CFTR: variants seen among roughly 807,000 people sequenced by gnomAD.
CFTR encodes cystic fibrosis transmembrane conductance regulator.
In CFTR, 181 loss-of-function variants were observed where a neutral mutation model predicts 171.6. The ratio of observed to expected loss-of-function variants is 1.05; its 90% confidence interval spans 0.93 to 1.19. CFTR has a LOEUF of 1.19. CFTR is among the 50% of genes most tolerant of loss of function. The pLI is 0.00. For missense variants in CFTR, 1,968 were observed against 1,734.7 expected (o/e 1.13, Z -2.39); for synonymous variants, 583 against 608.0 (o/e 0.96, Z 0.60).
intron 11 of CFTR, among the ~76,000 whole-genome samples, chr7:117,566,189 T>G (rs777713621): frequency 6.6e-6 from 1 of 151,468 alleles, no homozygotes; most frequent in Non-Finnish European, 1.5e-5. Flanking sequence ...ATAATAGCAC[T>G]TTGGGAGGCC....
At chr7:117,614,988 G>A (rs1792463408) in intron 21 of CFTR, among the ~76,000 whole-genome samples, 1 of 151,980 alleles carries the variant, frequency 6.6e-6, no homozygotes, top group African/African-American at 2.4e-5. Context: ...GGGTTGTATT[G>A]CTGGGTCATA....
intron 21 of CFTR, among the ~76,000 whole-genome samples, chr7:117,621,436 A>G (rs1012581730): frequency 2.0e-5 from 3 of 152,194 alleles, no homozygotes; most frequent in Admixed American, 2.0e-4. Flanking sequence ...AGCTGTACAT[A>G]ATATGTAAAC....
chr7:117,567,942 A>C (rs572066603), intron 11 of CFTR, among the ~76,000 whole-genome samples: 203 of 152,320 alleles, frequency 1.3e-3, no homozygotes, highest in Middle Eastern at 3.4e-3. Context: ...CCCTGGAGGA[A>C]GTGACATTTA....
At chr7:117,501,067 T>G (rs988256302) in intron 1 of CFTR, among the ~76,000 whole-genome samples, 22 of 152,360 alleles carry the variant, frequency 1.4e-4, no homozygotes, top group Non-Finnish European at 2.9e-4. Flanking sequence ...TGAGGAGATT[T>G]ATTTTTACAT....
intron 11 of CFTR, among the ~76,000 whole-genome samples, chr7:117,574,573 C>T (rs1282047867): frequency 6.6e-6 from 1 of 152,080 alleles, no homozygotes; most frequent in African/African-American, 2.4e-5. Context: ...TTTCTAGCGT[C>T]TATTATAGAC....
chr7:117,546,228 G>A (rs745384472), intron 9 of CFTR, among the ~76,000 whole-genome samples: 2 of 151,830 alleles, frequency 1.3e-5, no homozygotes, highest in Non-Finnish European at 2.9e-5. Context: ...TCCTGACCTC[G>A]TGATCCACTC....
intron 1 of CFTR, among the ~76,000 whole-genome samples, chr7:117,486,993 A>G (rs1477132664): frequency 6.6e-6 from 1 of 151,868 alleles, no homozygotes; most frequent in Non-Finnish European, 1.5e-5. Flanking sequence ...GAAAGAGAAG[A>G]GTTAAGGATA....
At chr7:117,592,901 T>C (rs567964778) in intron 14 of CFTR, among the ~76,000 whole-genome samples, 2 of 152,352 alleles carry the variant, frequency 1.3e-5, no homozygotes, top group East Asian at 3.9e-4. Context: ...TTTGGTCCTC[T>C]ACTAAGCCAG....
At chr7:117,543,065 T>A (rs532242165) in intron 9 of CFTR, among the ~76,000 whole-genome samples, 12 of 152,370 alleles carry the variant, frequency 7.9e-5, no homozygotes, top group African/African-American at 2.9e-4. Flanking sequence ...TGATTTTTAG[T>A]CTCTGAAGTG....
At chr7:117,496,377 A>C (rs1798240229) in intron 1 of CFTR, among the ~76,000 whole-genome samples, 1 of 151,816 alleles carries the variant, frequency 6.6e-6, no homozygotes, top group Admixed American at 6.6e-5. Context: ...TCTAATTTAT[A>C]ATTTTCTTTA....
intron 1 of CFTR, among the ~76,000 whole-genome samples, chr7:117,482,738 C>T (rs1293919719): frequency 1.3e-5 from 2 of 152,146 alleles, no homozygotes; most frequent in Non-Finnish European, 2.9e-5. Flanking sequence ...TACATTTTCT[C>T]ACAACTTTTA....
intron 3 of CFTR, among the ~76,000 whole-genome samples, chr7:117,523,403 G>C (rs548318384): frequency 1.7e-4 from 26 of 149,608 alleles, no homozygotes; most frequent in Non-Finnish European, 3.6e-4. Context: ...TTGAGACAGA[G>C]TCTTGCTCTG....
At position 117,541,987 on chromosome 7, in the gene CFTR, AAT is replaced by A. The variant is rs397508159; in HGVS notation, c.1117-26_1117-25del. The A allele has an allele frequency of 4.6e-5, 49 of 1,075,314 alleles. No individual in the cohort carries two copies. The highest frequency in any genetic ancestry group is 6.4e-5 in the Non-Finnish European group (44 of 690,782). The allele number at this position is 1,075,314 out of a possible 1,614,324, so 66.6% of individuals were successfully genotyped here. On this transcript the variant is annotated intron_variant, in intron 8 of 26. Transcript: ENST00000003084. ...TGCATTAATGCTATTCTGATTCTAT[AAT>A]ATGTTTTTGCTCTCTTTTATAAATA...
chr7:117,554,664 G>T (rs1799321670), intron 10 of CFTR, among the ~76,000 whole-genome samples: 1 of 152,032 alleles, frequency 6.6e-6, no homozygotes, highest in Non-Finnish European at 1.5e-5. Flanking sequence ...GGTTAAGGAG[G>T]TGGGTGAAGA....
intron 13 of CFTR, among the ~76,000 whole-genome samples, chr7:117,590,818 T>G (rs1792014626): frequency 6.6e-6 from 1 of 152,082 alleles, no homozygotes. Flanking sequence ...GATAGTAACC[T>G]TCTTAAGAAA....
intron 1 of CFTR, among the ~76,000 whole-genome samples, chr7:117,483,825 C>T (rs1055971564): frequency 7.2e-5 from 11 of 152,112 alleles, no homozygotes; most frequent in African/African-American, 2.7e-4. Flanking sequence ...TCCTCCCACT[C>T]AGTCTCCCAA....
chr7:117,521,457 A>G (rs573441394), intron 3 of CFTR, among the ~76,000 whole-genome samples: 1 of 152,176 alleles, frequency 6.6e-6, no homozygotes, highest in South Asian at 2.1e-4. Context: ...CAGGTTAATA[A>G]TGTATCTTTA....
rs879635292 is a variant in CFTR at position 117,545,545 on chromosome 7, G to A, written c.1210-3096G>A. On this transcript the variant is annotated intron_variant, in intron 9 of 26. Transcript: ENST00000003084. ...TCATCACTTCCCAAGCTTCATAAACGCACTCATTTTAGTGTATTCTCTGTC... is the reference window on the plus strand; with the variant it reads ...TCATCACTTCCCAAGCTTCATAAACACACTCATTTTAGTGTATTCTCTGTC... Among the ~76,000 whole-genome samples, 7 of 152,158 alleles carry A rather than the reference G, an allele frequency of 4.6e-5. No individual in the cohort carries two copies. In the East Asian group the frequency reaches 5.8e-4, roughly 13 times the overall value.
At chr7:117,597,162 G>C (rs1395830510) in intron 15 of CFTR, among the ~76,000 whole-genome samples, 3 of 152,134 alleles carry the variant, frequency 2.0e-5, no homozygotes, top group African/African-American at 7.2e-5. Context: ...TTTTGGGTCC[G>C]CATTGCGTTT....
Sources: gnomAD v4.1 joint callset for allele counts (sites outside exome capture counted in the v4.1 genomes callset) on GRCh38, gnomAD v4.1.1 for gene constraint, MANE v1.5 for transcripts, NCBI Gene and HGNC (gene_info 2026-07-23, HGNC 2026-07-21) for gene names.